Variants in EPC2 observed in about 807,000 individuals in gnomAD.
EPC2 encodes the protein enhancer of polycomb 2, also known as enhancer of polycomb homolog 2.
A neutral mutation model predicts 92.1 loss-of-function variants in EPC2; 14 were observed. That is an observed-to-expected ratio of 0.15 (90% CI 0.10 to 0.24). The LOEUF (loss-of-function observed/expected upper bound fraction) is 0.24. EPC2 is among the 10% of genes least tolerant of loss of function. EPC2 has a pLI of 1.00. For missense variants in EPC2, 755 were observed against 971.5 expected, an observed-to-expected ratio of 0.78 and a Z score of 2.96; for synonymous variants, 340 against 334.7, an observed-to-expected ratio of 1.02 and a Z score of -0.17.
At chr2:148,700,241 C>A (rs1032694048) in intron 2 of EPC2, among the ~76,000 whole-genome samples, 5 of 152,082 alleles carry the variant, frequency 3.3e-5, no homozygotes, top group Non-Finnish European at 7.4e-5. Context: ...TCCAGCTTAA[C>A]AATTTTTTTA....
chr2:148,707,494 A>C (rs548661645), intron 2 of EPC2, among the ~76,000 whole-genome samples: 7 of 152,318 alleles, frequency 4.6e-5, no homozygotes, highest in African/African-American at 1.7e-4. Flanking sequence ...TGCAACAAGC[A>C]GACCTAATAG....
chr2:148,686,480 C>T (rs1321973850), intron 1 of EPC2, among the ~76,000 whole-genome samples: 2 of 152,138 alleles, frequency 1.3e-5, no homozygotes, highest in Non-Finnish European at 1.5e-5. Context: ...GCATTTTGAC[C>T]TCTTTCTATG....
intron 1 of EPC2, among the ~76,000 whole-genome samples, chr2:148,689,993 T>C (rs1681612064): frequency 6.6e-6 from 1 of 150,710 alleles, no homozygotes. Flanking sequence ...GTTTAAAAAA[T>C]TCTACTTACA....
chr2:148,713,443 G>A (rs1682195281), intron 2 of EPC2, among the ~76,000 whole-genome samples: 1 of 152,120 alleles, frequency 6.6e-6, no homozygotes, highest in Non-Finnish European at 1.5e-5. Context: ...TGTTACAAAA[G>A]AGACAAAAAG....
At chr2:148,729,248 A>G (rs2105396572) in intron 2 of EPC2, among the ~76,000 whole-genome samples, 1 of 152,196 alleles carries the variant, frequency 6.6e-6, no homozygotes, top group African/African-American at 2.4e-5. Flanking sequence ...CACCCTGTCA[A>G]AAGACTGCTT....
intron 2 of EPC2, among the ~76,000 whole-genome samples, chr2:148,727,545 T>C (rs1031966158): frequency 1.3e-5 from 2 of 152,252 alleles, no homozygotes; most frequent in African/African-American, 4.8e-5. Context: ...TATTATTTTA[T>C]GCCATTAGAT....
At chr2:148,665,643 T>G (rs1681041626) in intron 1 of EPC2, among the ~76,000 whole-genome samples, 1 of 152,190 alleles carries the variant, frequency 6.6e-6, no homozygotes, top group African/African-American at 2.4e-5. Flanking sequence ...AATTATGATG[T>G]TTAGGATAAC....
At chr2:148,696,159 T>C (rs115206483) in intron 2 of EPC2, among the ~76,000 whole-genome samples, 25 of 152,232 alleles carry the variant, frequency 1.6e-4, no homozygotes, top group African/African-American at 5.5e-4. Context: ...ATAATAGATA[T>C]GAAAGGAGGC....
intron 6 of EPC2, among the ~76,000 whole-genome samples, chr2:148,763,499 A>G (rs1276391744): frequency 6.6e-6 from 1 of 152,062 alleles, no homozygotes; most frequent in African/African-American, 2.4e-5. Flanking sequence ...TGAAGCTTCT[A>G]GACAATAGAG....
chr2:148,720,773 C>T lies in EPC2; in HGVS notation c.314-22849C>T, dbSNP rs528946178. Among the ~76,000 whole-genome samples, 10 of 152,280 alleles carry T rather than the reference C, an allele frequency of 6.6e-5. No individual in the cohort carries two copies. The East Asian group carries it at 1.5e-3, about 24-fold the overall frequency. ...TGTGTTGCTCCCAAGTGGGCCGCCGCGCCACCCTGCTTTTCCTCATTCCCC... is the reference window on the plus strand; with the variant it reads ...TGTGTTGCTCCCAAGTGGGCCGCCGTGCCACCCTGCTTTTCCTCATTCCCC... On this transcript the variant is annotated intron_variant, in intron 2 of 13. Transcript: ENST00000258484.
At chr2:148,733,955 A>AT (rs1682699112) in intron 2 of EPC2, among the ~76,000 whole-genome samples, 1 of 152,190 alleles carries the variant, frequency 6.6e-6, no homozygotes, top group Admixed American at 6.5e-5. Flanking sequence ...CAAAGAAATA[A>AT]TTAGAATCCA....
intron 2 of EPC2, among the ~76,000 whole-genome samples, chr2:148,715,062 C>G (rs1428343791): frequency 9.1e-6 from 1 of 110,074 alleles, no homozygotes; most frequent in Non-Finnish European, 1.7e-5. Context: ...GAGACAGAGT[C>G]TTGCTCTGTT....
chr2:148,652,988 T>G (rs1045208110), intron 1 of EPC2, among the ~76,000 whole-genome samples: 2 of 152,210 alleles, frequency 1.3e-5, no homozygotes, highest in African/African-American at 4.8e-5. Context: ...ATCATTTTTC[T>G]CACTTGAGTG....
chr2:148,649,245 G>A (rs975203508), intron 1 of EPC2, among the ~76,000 whole-genome samples: 1 of 152,132 alleles, frequency 6.6e-6, no homozygotes, highest in African/African-American at 2.4e-5. Context: ...TATATACAGT[G>A]TGGAGTTTGA....
intron 2 of EPC2, chr2:148,692,094 CTG>C (rs1681656843): frequency 3.2e-6 from 1 of 311,150 alleles, no homozygotes; most frequent in Admixed American, 4.7e-5. Flanking sequence ...TCCCTTCACT[CTG>C]TGTACCATAG....
rs975818984 is a variant in EPC2, at chr2:148,787,272, A to G, written c.*895A>G. The G allele has an allele frequency of 1.4e-5, 2 of 141,142 alleles. No homozygotes were observed. The highest frequency in any genetic ancestry group is 2.6e-5 in the African/African-American group (1 of 38,954). 8.7% of individuals were successfully genotyped at this position (141,142 alleles called of 1,614,324 possible). On this transcript the variant is annotated 3_prime_UTR_variant, in exon 14 of 14. Coordinates refer to ENST00000258484, the MANE Select transcript of EPC2 (RefSeq NM_015630.4). ...TGCAATAATTATTGGAAGTCTAGATATCGAGCCATCCCAGGTGTTGGGCGG... is the reference window on the plus strand; with the variant it reads ...TGCAATAATTATTGGAAGTCTAGATGTCGAGCCATCCCAGGTGTTGGGCGG...
At chr2:148,647,854 A>G (rs987640748) in intron 1 of EPC2, among the ~76,000 whole-genome samples, 1 of 145,222 alleles carries the variant, frequency 6.9e-6, no homozygotes, top group Non-Finnish European at 1.5e-5. Flanking sequence ...AATGATTTCG[A>G]TCTCTTGACT....
chr2:148,704,116 T>C (rs1388561518), intron 2 of EPC2, among the ~76,000 whole-genome samples: 3 of 152,214 alleles, frequency 2.0e-5, no homozygotes, highest in African/African-American at 7.2e-5. Context: ...AGCAGCATTA[T>C]TCACAAAAGC....
intron 11 of EPC2, among the ~76,000 whole-genome samples, chr2:148,782,252 T>G (rs1403455378): frequency 6.6e-6 from 1 of 152,048 alleles, no homozygotes; most frequent in Non-Finnish European, 1.5e-5. Flanking sequence ...TGAAGAAAAT[T>G]GCAACCAGGC....
Sources: gnomAD v4.1 joint callset for allele counts (sites outside exome capture counted in the v4.1 genomes callset) on GRCh38, gnomAD v4.1.1 for gene constraint, MANE v1.5 for transcripts, NCBI Gene and HGNC (gene_info 2026-07-23, HGNC 2026-07-21) for gene names.